The following LMTK3 variants were observed in gnomAD, a reference collection of about 807,000 sequenced individuals.
LMTK3 encodes the protein lemur tail kinase 3.
A neutral mutation model predicts 116.7 loss-of-function variants in LMTK3; 27 were observed. That is an observed-to-expected ratio of 0.23 (90% CI 0.17 to 0.32). The LOEUF is 0.32. Ranked by LOEUF, LMTK3 falls within the 10% of genes least tolerant of loss-of-function variation. The pLI is 1.00. For missense variants in LMTK3, 1,764 were observed against 2,068.5 expected (o/e 0.85, Z 2.86); for synonymous variants, 965 against 971.0 (o/e 0.99, Z 0.11).
At chr19:48,510,763 G>A (rs949620074) in intron 1 of LMTK3, among the ~76,000 whole-genome samples, 171 bp from the exon 2 acceptor site, 1 of 152,194 alleles carries the variant, frequency 6.6e-6, no homozygotes, top group Non-Finnish European at 1.5e-5. Flanking sequence ...TGTAGTTTGG[G>A]GCCTTCCCAA....
rs1252250550 is a variant in LMTK3 at position 48,493,945 on chromosome 19, C to T, written c.3841G>A (p.Glu1281Lys). The T allele has an allele frequency of 1.7e-5, 18 of 1,037,070 alleles. No homozygotes were observed. Among genetic ancestry groups the T allele is most frequent in the East Asian group, 9.2e-5 (1 of 10,888 alleles). The allele number at this position is 1,037,070 out of a possible 1,614,324, so 64.2% of individuals were successfully genotyped here. The change falls in exon 12 of 15, where the codon GAG (glutamate) becomes AAG (lysine). Residue 1281 changes from glutamate (E) to lysine (K), a missense_variant. By Grantham distance (56) the Glu-to-Lys change is moderately conservative. Around this residue, in one of 7 missense-constraint regions of LMTK3, gnomAD observed 281 missense variants for 301.4 expected, o/e 0.93. Coordinates refer to ENST00000600059, the MANE Select transcript of LMTK3 (RefSeq NM_001388485.1). ...TCGTCCTCCTCCTCGTCCTCGTCCTCGTCCTCCCCGTCCTCCTCCGCCGGC... is the reference window on the plus strand; with the variant it reads ...TCGTCCTCCTCCTCGTCCTCGTCCTTGTCCTCCCCGTCCTCCTCCGCCGGC... ...PGPAEEDGED[E>K]DEDEEEDEEA...
At position 48,511,460 on chromosome 19, in the gene LMTK3, G is replaced by A. The variant is rs781724873; in HGVS notation, c.76+41C>T. ...GGGCAGACAGCGAGGCCGCCGCGGG[G>A]GTGGGGGCCACCGGACAGACTGATG... On this transcript the variant is annotated intron_variant, in intron 1 of 14. Coordinates refer to ENST00000600059, the MANE Select transcript of LMTK3 (RefSeq NM_001388485.1). The A allele has an allele frequency of 5.4e-5, 49 of 912,988 alleles. No individual in the cohort carries two copies. In the African/African-American group the frequency reaches 8.0e-4, roughly 15 times the overall value. 56.6% of individuals were successfully genotyped at this position (912,988 alleles called of 1,614,324 possible). A position where few individuals can be genotyped will look rare whatever the true frequency, so the allele number is the denominator to read the frequency against.
chr19:48,502,613 C>T lies in LMTK3; in HGVS notation c.646-32G>A. 2.6e-6 allele frequency: 4 copies of T among 1,517,950 alleles called. No individual in the cohort carries two copies. In the South Asian group the frequency reaches 5.3e-5, roughly 20 times the overall value. The allele number at this position is 1,517,950 out of a possible 1,614,324, so 94.0% of individuals were successfully genotyped here. On this transcript the variant is annotated intron_variant, in intron 6 of 14. Transcript: ENST00000600059. ...GGGAGGCAAAGAAGGTCAGCACCAC[C>T]AGCCGCTCAGGTCTCCAGCTAGTCG... is the stretch of plus-strand genomic sequence containing the variant.
chr19:48,498,974 C>T lies in LMTK3; in HGVS notation c.2095G>A (p.Gly699Ser). 7.4e-7 allele frequency: 1 copy of T among 1,357,216 alleles called. No individual in the cohort carries two copies. Among genetic ancestry groups the T allele is most frequent in the Non-Finnish European group, 9.5e-7 (1 of 1,056,486 alleles). 84.1% of individuals were successfully genotyped at this position (1,357,216 alleles called of 1,614,324 possible). A position where few individuals can be genotyped will look rare whatever the true frequency, so the allele number is the denominator to read the frequency against. Residue 699 changes from glycine (G) to serine (S), a missense_variant, in exon 11 of 15, where the codon GGC becomes AGC. By Grantham distance (56) the Gly-to-Ser change is moderately conservative. Around this residue, in one of 7 missense-constraint regions of LMTK3, gnomAD observed 1,028 missense variants for 1,050.6 expected, o/e 0.98. Coordinates refer to ENST00000600059, the MANE Select transcript of LMTK3 (RefSeq NM_001388485.1). ...TCGTCCTCGGGGGGGTGGGGGCAGC[C>T]AAGAGCAGGGTGGCCTCCCCAGCCT... ...VAGWGGHPAL[G>S]CPHPPEDDSS...
chr19:48,498,795 TGGCGGC>T lies in LMTK3; in HGVS notation c.2268_2273del (p.Pro759_Pro760del). The T allele has an allele frequency of 1.4e-5, 1 of 70,540 alleles. No homozygotes were observed. The highest frequency in any genetic ancestry group is 2.1e-5 in the Non-Finnish European group (1 of 46,810). 4.4% of individuals were successfully genotyped at this position (70,540 alleles called of 1,614,324 possible). On this transcript the variant is annotated inframe_deletion, in exon 11 of 15. Coordinates refer to ENST00000600059, the MANE Select transcript of LMTK3 (RefSeq NM_001388485.1). ...CCGGGTCCGCGGGGGCCCGAGGAGG[TGGCGGC>T]GGGGGGGGGGGAGCGGGAGGTGGCC...
chr19:48,499,595 C>T lies in LMTK3; in HGVS notation c.1474G>A (p.Gly492Arg), dbSNP rs755811752. The part of the protein sequence containing the change: ...EKARRGAGRG[G>R]GAPAWQPASA... ...GCCGGCTGCCAGGCAGGTGCCCCCC[C>T]ACCCCGGCCGGCCCCACGCCGGGCC... Residue 492 changes from glycine to arginine, a missense_variant, in exon 11 of 15, where the codon GGG (glycine) becomes AGG (arginine). Transcript: ENST00000600059. 2.4e-5 allele frequency: 37 copies of T among 1,537,952 alleles called. No individual in the cohort carries two copies. The highest frequency in any genetic ancestry group is 2.8e-5 in the Non-Finnish European group (32 of 1,142,552).
Position 48,501,276 on chromosome 19 carries a change from T to C in LMTK3, c.1001+7A>G. ...CTGCCTCGGCCCCCGCGGCCCGTGG[T>C]CCTCACCAGATGTTGCTCTCGCGGC... On this transcript the variant is annotated splice_region_variant and intron_variant, in intron 9 of 14. Coordinates refer to ENST00000600059, the MANE Select transcript of LMTK3 (RefSeq NM_001388485.1). 1 of 1,613,214 alleles carries C rather than the reference T, an allele frequency of 6.2e-7. No homozygotes were observed. The highest frequency in any genetic ancestry group is 8.5e-7 in the Non-Finnish European group (1 of 1,179,544).
At position 48,498,653 on chromosome 19, in the gene LMTK3, C is replaced by A; in HGVS notation, c.2416G>T (p.Ala806Ser). The A allele has an allele frequency of 6.5e-7, 1 of 1,542,218 alleles. No homozygotes were observed. Among genetic ancestry groups the A allele is most frequent in the South Asian group, 1.2e-5 (1 of 83,940 alleles). The change falls in exon 11 of 15, where the codon GCC becomes TCC. Residue 806 changes from alanine to serine, a missense_variant. Transcript: ENST00000600059. ...TCGGCCGCCCCCCCACCTGGGAAGG[C>A]TCCCTCTGGGGAAAAAGGGGTCTCG... ...ETETPFSPEG[A>S]FPGGGAAEEE...
chr19:48,508,853 G>A lies in LMTK3; in HGVS notation c.555C>T (p.Tyr185=). Residue 185 remains tyrosine, a splice_region_variant and synonymous_variant, in exon 5 of 15, where the codon TAC becomes TAT. Transcript: ENST00000600059. ...QRKFISEAQP[Y]RSLQHPNVLQ... ...ACCCACTGAGAAACCCTCAGTACCT[G>A]TACGGCTGTGCTTCCGAGATGAACT... is the stretch of plus-strand genomic sequence containing the variant. The A allele has an allele frequency of 6.2e-7, 1 of 1,612,334 alleles. No homozygotes were observed. The highest frequency in any genetic ancestry group is 8.5e-7 in the Non-Finnish European group (1 of 1,178,454).
At position 48,498,474 on chromosome 19, in the gene LMTK3, G is replaced by T; in HGVS notation, c.2595C>A (p.Ser865=). Residue 865 remains serine, a synonymous_variant, in exon 11 of 15, where the codon TCC becomes TCA. Transcript: ENST00000600059. ...GGTTCCTTGTCACATCCTCCCGCAGGGACATCAGCAGCTGTTCCGTGCTCA... is the reference window on the plus strand; with the variant it reads ...GGTTCCTTGTCACATCCTCCCGCAGTGACATCAGCAGCTGTTCCGTGCTCA... ...VQVSTEQLLM[S]LREDVTRNLL... The T allele has an allele frequency of 6.2e-7, 1 of 1,601,464 alleles. No homozygotes were observed. The highest frequency in any genetic ancestry group is 2.3e-5 in the East Asian group (1 of 44,232).
At chr19:48,496,992 G>T (rs182185174) in intron 11 of LMTK3, among the ~76,000 whole-genome samples, 41 of 152,304 alleles carry the variant, frequency 2.7e-4, no homozygotes, top group African/African-American at 8.4e-4. Context: ...TGCTTCATCC[G>T]TTTCCCTATG....
upstream of LMTK3, chr19:48,513,393 G>A: frequency 3.4e-6 from 2 of 586,324 alleles, no homozygotes; most frequent in South Asian, 2.0e-5. The surrounding 1 kb of genome is among the most constrained non-coding windows in gnomAD (Gnocchi z 5.6). Context: ...CCTGCCCCAA[G>A]GCACACAAGC....
rs972717559 is a variant in LMTK3 at position 48,497,850 on chromosome 19, G to C, written c.3219C>G (p.Gly1073=). 17 of 1,429,242 alleles carry C rather than the reference G, an allele frequency of 1.2e-5. No homozygotes were observed. In the East Asian group the frequency reaches 2.1e-4, roughly 17 times the overall value. The allele number at this position is 1,429,242 out of a possible 1,614,324, so 88.5% of individuals were successfully genotyped here. ...CGTTCTTGGGGGCTGGGCCAAGGGG[G>C]CCAGGGGCTGTCTCCCCGCCGTTCC... ...SSRNGGETAP[G]PLGPAPKNGT... The change falls in exon 11 of 15, where the codon GGC becomes GGG. Residue 1073 remains glycine (G), a synonymous_variant. Coordinates refer to ENST00000600059, the MANE Select transcript of LMTK3 (RefSeq NM_001388485.1). The surrounding 1 kb of genome is among the most constrained non-coding windows in gnomAD (Gnocchi z 5.7).
chr19:48,491,629 T>A lies in LMTK3; in HGVS notation c.4093-90A>T. ...CCAAAAGCAACAAAACCGGCTAATA[T>A]TTCTGGGGCTCTAGGAATCCCAATT... On this transcript the variant is annotated intron_variant, in intron 12 of 14. Coordinates refer to ENST00000600059, the MANE Select transcript of LMTK3 (RefSeq NM_001388485.1). The surrounding 1 kb of genome is among the most constrained non-coding windows in gnomAD (Gnocchi z 5.1). 1.7e-6 allele frequency: 2 copies of A among 1,151,244 alleles called. No individual in the cohort carries two copies. The allele number at this position is 1,151,244 out of a possible 1,614,324, so 71.3% of individuals were successfully genotyped here. A position where few individuals can be genotyped will look rare whatever the true frequency, so the allele number is the denominator to read the frequency against.
chr19:48,491,564 C>T lies in LMTK3; in HGVS notation c.4093-25G>A. On this transcript the variant is annotated intron_variant, in intron 12 of 14. Coordinates refer to ENST00000600059, the MANE Select transcript of LMTK3 (RefSeq NM_001388485.1). The surrounding 1 kb of genome is among the most constrained non-coding windows in gnomAD (Gnocchi z 5.1). Reference sequence around the variant, plus strand: ...CCTGTGAAGGCAGATTAGGGGGAAGCCAGAGGGGACAAACCTTCACGTCCC... The same window carrying T: ...CCTGTGAAGGCAGATTAGGGGGAAGTCAGAGGGGACAAACCTTCACGTCCC... The T allele has an allele frequency of 5.2e-6, 7 of 1,339,148 alleles. No homozygotes were observed. The highest frequency in any genetic ancestry group is 1.5e-5 in the African/African-American group (1 of 66,412). The allele number at this position is 1,339,148 out of a possible 1,614,324, so 83.0% of individuals were successfully genotyped here.
At position 48,507,239 on chromosome 19, in the gene LMTK3, A is replaced by G. The variant is rs566147320; in HGVS notation, c.557+1612T>C. The stretch of plus-strand genomic sequence containing the variant: ...GGCCGCTCTGCTCTCAAATCCTCCC[A>G]GCAACGTGCTAGGCAGGATGATGAT... On this transcript the variant is annotated intron_variant, in intron 5 of 14. Coordinates refer to ENST00000600059, the MANE Select transcript of LMTK3 (RefSeq NM_001388485.1). Among the ~76,000 whole-genome samples the G allele has an allele frequency of 5.3e-4, 80 of 152,330 alleles. No individual in the cohort carries two copies. The South Asian group carries it at 0.016, about 31-fold the overall frequency.
In LMTK3 at chr19:48,500,972, A is replaced by G; in HGVS notation, c.1151+24T>C. 2.0e-6 allele frequency: 3 copies of G among 1,474,610 alleles called. No individual in the cohort carries two copies. The highest frequency in any genetic ancestry group is 2.7e-6 in the Non-Finnish European group (3 of 1,114,946). 91.3% of individuals were successfully genotyped at this position (1,474,610 alleles called of 1,614,324 possible). A position where few individuals can be genotyped will look rare whatever the true frequency, so the allele number is the denominator to read the frequency against. On this transcript the variant is annotated intron_variant, in intron 10 of 14. Transcript: ENST00000600059. The surrounding 1 kb of genome is among the most constrained non-coding windows in gnomAD (Gnocchi z 4.0). The stretch of plus-strand genomic sequence containing the variant: ...CCTGGGTGGGGTGCGGCAGGCCAGG[A>G]GCCCCGGGTGGGCTAGCCCTCACCA...
chr19:48,498,527 G>A lies in LMTK3; in HGVS notation c.2542C>T (p.Arg848Trp), dbSNP rs1456862157. Residue 848 changes from arginine (R) to tryptophan (W), a missense_variant, in exon 11 of 15, where the codon CGG becomes TGG. Transcript: ENST00000600059. Reference sequence around the variant, plus strand: ...TGAACCACGAAGGTCGGCTTCTCCCGGGGCCCCGGGAGTGGGAGCGGACCC... The same window carrying A: ...TGAACCACGAAGGTCGGCTTCTCCCAGGGCCCCGGGAGTGGGAGCGGACCC... Reference protein sequence around the residue: ...DPGPLPLPGPREKPTFVVQVS... With the variant: ...DPGPLPLPGPWEKPTFVVQVS... The A allele has an allele frequency of 1.9e-6, 3 of 1,573,486 alleles. No individual in the cohort carries two copies. Among genetic ancestry groups the A allele is most frequent in the East Asian group, 2.4e-5 (1 of 42,308 alleles).
At chr19:48,505,405 C>T (rs372316970) in intron 5 of LMTK3, among the ~76,000 whole-genome samples, 6 of 152,174 alleles carry the variant, frequency 3.9e-5, no homozygotes, top group South Asian at 2.1e-4. Context: ...TGAGCCACCA[C>T]GCCCAGCTGA....
Sources: gnomAD v4.1 joint callset for allele counts (sites outside exome capture counted in the v4.1 genomes callset) on GRCh38, gnomAD v4.1.1 for gene constraint, gnomAD v4.1.1 regional missense constraint, Gnocchi (gnomAD v3.1) non-coding constraint, MANE v1.5 for transcripts, NCBI Gene and HGNC (gene_info 2026-07-23, HGNC 2026-07-21) for gene names.